Variants in CIRBP observed in about 807,000 individuals in gnomAD.
CIRBP encodes the protein cold inducible RNA binding protein.
In CIRBP, 11 loss-of-function variants were observed where a neutral mutation model predicts 22.3. The ratio of observed to expected loss-of-function variants is 0.49; its 90% CI spans 0.31 to 0.82. The LOEUF is 0.82. Ranked by LOEUF, CIRBP falls within the 40% of genes least tolerant of loss-of-function variation. The pLI is 0.05. For synonymous variants in CIRBP, 216 were observed against 158.8 expected (o/e 1.36, Z -2.71); for missense variants, 456 against 402.7 (o/e 1.13, Z -1.13).
intron 1 of CIRBP, chr19:1,269,992 A>G (rs920685269): frequency 1.9e-6 from 1 of 519,742 alleles, no homozygotes. Context: ...CAGACTTCCA[A>G]GTCTAGTTCT....
At chr19:1,270,839 A>G (rs1229519281) in intron 1 of CIRBP, 89 bp from the exon 2 acceptor site, 1 of 865,358 alleles carries the variant, frequency 1.2e-6, no homozygotes, top group East Asian at 2.4e-5. Context: ...ATTTCCCCTA[A>G]AAAACACATG....
Position 1,274,480 on chromosome 19 carries a change from C to A in CIRBP, c.*2037C>A. 1 of 393,086 alleles carries A rather than the reference C, an allele frequency of 2.5e-6. No individual in the cohort carries two copies. Among genetic ancestry groups the A allele is most frequent in the African/African-American group, 2.1e-5 (1 of 48,604 alleles). The allele number at this position is 393,086 out of a possible 1,614,324, so 24.3% of individuals were successfully genotyped here. A position where few individuals can be genotyped will look rare whatever the true frequency, so the allele number is the denominator to read the frequency against. On this transcript the variant is annotated 3_prime_UTR_variant, in exon 6 of 6. Coordinates refer to ENST00000587896, the MANE Select transcript of CIRBP (RefSeq NM_001300829.2). ...GAAGAGTGGCATGTGGCGCTGAGCC[C>A]TGTCCCGGGCGGCACCTGGGCGTTT... is the stretch of plus-strand genomic sequence containing the variant.
chr19:1,269,580 G>C (rs1251596370), intron 1 of CIRBP, among the ~76,000 whole-genome samples, 170 bp downstream of exon 1: 1 of 151,602 alleles, frequency 6.6e-6, no homozygotes, highest in African/African-American at 2.4e-5. Context: ...GTAGCGGCCA[G>C]AGGGCCTCTC....
Position 1,273,388 on chromosome 19 carries a change from C to G in CIRBP, c.*945C>G, listed in dbSNP as rs1032966798. 1.3e-5 allele frequency: 2 copies of G among 152,612 alleles called. No homozygotes were observed. Among genetic ancestry groups the G allele is most frequent in the Non-Finnish European group, 2.9e-5 (2 of 68,372 alleles). 9.5% of individuals were successfully genotyped at this position (152,612 alleles called of 1,614,324 possible). A position where few individuals can be genotyped will look rare whatever the true frequency, so the allele number is the denominator to read the frequency against. ...GCGGGCAGCTCAGGCCTCAGGGCAGCCCTGGGAGGCTTCTGGCAGTGGTGG... is the reference window on the plus strand; with the variant it reads ...GCGGGCAGCTCAGGCCTCAGGGCAGGCCTGGGAGGCTTCTGGCAGTGGTGG... On this transcript the variant is annotated 3_prime_UTR_variant, in exon 6 of 6. Coordinates refer to ENST00000587896, the MANE Select transcript of CIRBP (RefSeq NM_001300829.2).
chr19:1,270,137 C>T (rs1261054562), intron 1 of CIRBP: 2 of 515,228 alleles, frequency 3.9e-6, no homozygotes, highest in East Asian at 5.5e-5. Context: ...ACTTCCGGGG[C>T]CATCCCTTCC....
chr19:1,270,354 G>A, intron 1 of CIRBP: 1 of 354,120 alleles, frequency 2.8e-6, no homozygotes, highest in South Asian at 2.1e-5. Context: ...GAGAACCTGA[G>A]AGTGCAGTCC....
rs752702633 is a variant in CIRBP, at chr19:1,272,308, C to T, written c.759C>T (p.Ser253=). The part of the protein sequence containing the change: ...ARCMCGRRPA[S]LGCGGWLLPG... Reference sequence around the variant, plus strand: ...GCATGTGTGGCCGCAGGCCAGCCTCCCTCGGCTGTGGGGGGTGGTTGCTCC... The same window carrying T: ...GCATGTGTGGCCGCAGGCCAGCCTCTCTCGGCTGTGGGGGGTGGTTGCTCC... Residue 253 remains serine, a synonymous_variant, in exon 6 of 6, where the codon TCC becomes TCT. Coordinates refer to ENST00000587896, the MANE Select transcript of CIRBP (RefSeq NM_001300829.2). 1 of 1,613,652 alleles carries T rather than the reference C, an allele frequency of 6.2e-7. No individual in the cohort carries two copies. Among genetic ancestry groups the T allele is most frequent in the Non-Finnish European group, 8.5e-7 (1 of 1,179,934 alleles).
At chr19:1,270,167 T>A (rs768179265) in intron 1 of CIRBP, 2 of 505,194 alleles carry the variant, frequency 4.0e-6, no homozygotes, top group East Asian at 1.1e-4. Flanking sequence ...GCCTAGGTCC[T>A]GGCTATGGAA....
At chr19:1,270,742 C>T (rs1342966304) in intron 1 of CIRBP, 186 bp from the exon 2 acceptor site, 1 of 580,954 alleles carries the variant, frequency 1.7e-6, no homozygotes, top group Non-Finnish European at 3.1e-6. Flanking sequence ...GTCTGGGTGA[C>T]AGTTAGACAC....
In CIRBP at chr19:1,272,468, C is replaced by G; in HGVS notation, c.*25C>G. On this transcript the variant is annotated 3_prime_UTR_variant, in exon 6 of 6. Coordinates refer to ENST00000587896, the MANE Select transcript of CIRBP (RefSeq NM_001300829.2). Reference sequence around the variant, plus strand: ...AAAACCCTTCCTGCTCAAGATCGTCCTTCCAATGGCTGTGTGTTTAAAGAT... The same window carrying G: ...AAAACCCTTCCTGCTCAAGATCGTCGTTCCAATGGCTGTGTGTTTAAAGAT... 2.7e-6 allele frequency: 4 copies of G among 1,497,872 alleles called. No homozygotes were observed. Among genetic ancestry groups the G allele is most frequent in the Non-Finnish European group, 3.6e-6 (4 of 1,114,454 alleles). 92.8% of individuals were successfully genotyped at this position (1,497,872 alleles called of 1,614,324 possible).
At chr19:1,271,857 C>T (rs1474434970) in intron 5 of CIRBP, 124 bp from the exon 6 acceptor site, 6 of 863,776 alleles carry the variant, frequency 6.9e-6, no homozygotes, top group East Asian at 2.4e-5. Flanking sequence ...AGATGCTGCC[C>T]TGCTGGGGTC....
intron 1 of CIRBP, chr19:1,270,125 T>C (rs775233797): frequency 3.9e-6 from 2 of 518,738 alleles, no homozygotes; most frequent in African/African-American, 1.9e-5. Context: ...TCCTGCCTTA[T>C]CACTTCCGGG....
chr19:1,270,834 C>T (rs755925579), intron 1 of CIRBP, 94 bp from the exon 2 acceptor site: 68 of 824,462 alleles, frequency 8.2e-5, no homozygotes, highest in Non-Finnish European at 1.3e-4. Context: ...CTAATATTTC[C>T]CCTAAAAAAC....
Position 1,271,131 on chromosome 19 carries a change from C to T in CIRBP, c.104-9C>T, listed in dbSNP as rs2081332662. ...GGGTGCTGACTGCAGACCTCTCTCC[C>T]CTGCACAGTGGTGGTTGTGAAAGAC... On this transcript the variant is annotated splice_polypyrimidine_tract_variant and intron_variant, in intron 2 of 5. Transcript: ENST00000587896. The T allele has an allele frequency of 3.1e-6, 5 of 1,613,388 alleles. No homozygotes were observed. The East Asian group carries it at 6.7e-5, about 22-fold the overall frequency.
Position 1,272,413 on chromosome 19 carries a change from C to T in CIRBP, c.864C>T (p.Cys288=). The T allele has an allele frequency of 6.4e-7, 1 of 1,566,978 alleles. No homozygotes were observed. Among genetic ancestry groups the T allele is most frequent in the Non-Finnish European group, 8.6e-7 (1 of 1,157,644 alleles). The stretch of plus-strand genomic sequence containing the variant: ...CTTCGGTGCCTTTACACTGTGCCTG[C>T]TTCTTGTCCTCAGCTACACACAACG... ...LVASVPLHCA[C]FLSSATHNE Residue 288 remains cysteine (C), a synonymous_variant, in exon 6 of 6, where the codon TGC becomes TGT. Transcript: ENST00000587896.
chr19:1,274,712 G>A lies in CIRBP; in HGVS notation c.*2269G>A. 5.8e-6 allele frequency: 1 copy of A among 171,602 alleles called. No homozygotes were observed. The highest frequency in any genetic ancestry group is 1.2e-5 in the Non-Finnish European group (1 of 81,082). The allele number at this position is 171,602 out of a possible 1,614,324, so 10.6% of individuals were successfully genotyped here. On this transcript the variant is annotated 3_prime_UTR_variant, in exon 6 of 6. Coordinates refer to ENST00000587896, the MANE Select transcript of CIRBP (RefSeq NM_001300829.2). ...AGTCTCTCCTGGAGCACGGGCTGCG[G>A]TGCGCCGGCAGCTTACGGGGCGGCC...
Position 1,273,320 on chromosome 19 carries a change from GACTGGCGCTGGTCAGGGTA to G in CIRBP, c.*878_*896del, listed in dbSNP as rs2081373123. 1 of 152,422 alleles carries G rather than the reference GACTGGCGCTGGTCAGGGTA, an allele frequency of 6.6e-6. No individual in the cohort carries two copies. Among genetic ancestry groups the G allele is most frequent in the Admixed American group, 6.5e-5 (1 of 15,290 alleles). The allele number at this position is 152,422 out of a possible 1,614,324, so 9.4% of individuals were successfully genotyped here. ...CAGAGCTAGAAAGGGAGGCCCAGCA[GACTGGCGCTGGTCAGGGTA>G]GGGGAGCCAGGCGGGGGACGGGAGC... is the stretch of plus-strand genomic sequence containing the variant. On this transcript the variant is annotated 3_prime_UTR_variant, in exon 6 of 6. Transcript: ENST00000587896.
At chr19:1,270,170 C>T (rs765873813) in intron 1 of CIRBP, 18 of 501,494 alleles carry the variant, frequency 3.6e-5, no homozygotes, top group African/African-American at 9.7e-5. Context: ...TAGGTCCTGG[C>T]TATGGAAGTC....
At position 1,270,235 on chromosome 19, in the gene CIRBP, C is replaced by A. The variant is rs544274086; in HGVS notation, c.-6-693C>A. On this transcript the variant is annotated intron_variant, in intron 1 of 5. Transcript: ENST00000587896. The stretch of plus-strand genomic sequence containing the variant: ...GGGGCGGCCTCCCTGACAGCCAGCC[C>A]CCCCCCCAGTCTCAGGAGGCATTTT... 1.6e-3 allele frequency: 625 copies of A among 386,196 alleles called. 3 individuals are homozygous for A. The highest frequency in any genetic ancestry group is 0.014 in the African/African-American group (539 of 38,682). 23.9% of individuals were successfully genotyped at this position (386,196 alleles called of 1,614,324 possible).
Sources: gnomAD v4.1 joint callset for allele counts (sites outside exome capture counted in the v4.1 genomes callset) on GRCh38, gnomAD v4.1.1 for gene constraint, MANE v1.5 for transcripts, NCBI Gene and HGNC (gene_info 2026-07-23, HGNC 2026-07-21) for gene names.